HIBADH: variants seen among roughly 807,000 people sequenced by gnomAD.
The protein encoded by HIBADH is 3-hydroxyisobutyrate dehydrogenase, mitochondrial.
Under a neutral mutation model 36.1 loss-of-function variants are expected in HIBADH, and 25 were observed. The observed-to-expected ratio is 0.69, with a 90% CI of 0.50 to 0.97. The LOEUF (loss-of-function observed/expected upper bound fraction) is 0.97, where lower values mean the gene tolerates loss of function less well. Among genes scored for constraint, HIBADH ranks in the 50% least tolerant of loss-of-function variants. The pLI is 0.00. For synonymous variants in HIBADH, 160 were observed against 149.5 expected, an observed-to-expected ratio of 1.07 and a Z score of -0.51; for missense variants, 421 against 418.0, an observed-to-expected ratio of 1.01 and a Z score of -0.06.
At position 27,613,341 on chromosome 7, in the gene HIBADH, T is replaced by C. The variant is rs560477400; in HGVS notation, c.484+16030A>G. The stretch of plus-strand genomic sequence containing the variant: ...ATATAAAAGAATAAATTGAAAGAAG[T>C]TTCCCTGGATGGTAGAAAGAGCCTC... On this transcript the variant is annotated intron_variant, in intron 4 of 7. Transcript: ENST00000265395. Among the ~76,000 whole-genome samples, 172 of 143,604 alleles carry C rather than the reference T, an allele frequency of 1.2e-3. 1 individual carries two copies. The highest frequency in any genetic ancestry group is 4.0e-3 in the African/African-American group (151 of 38,148). The allele number at this position is 143,604 out of a possible 152,430, so 94.2% of individuals were successfully genotyped here.
chr7:27,600,372 G>C (rs551497778), intron 4 of HIBADH, among the ~76,000 whole-genome samples: 35 of 151,972 alleles, frequency 2.3e-4, no homozygotes, highest in African/African-American at 7.0e-4. Context: ...ACTTGACCTT[G>C]GTCCTGCCAT....
intron 6 of HIBADH, among the ~76,000 whole-genome samples, chr7:27,536,581 C>CCACT (rs1784073489): frequency 6.6e-6 from 1 of 152,022 alleles, no homozygotes; most frequent in African/African-American, 2.4e-5. Context: ...GAAAACAAAC[C>CCACT]CACTACAAGT....
At chr7:27,555,302 CTTTTTTTTTTT>C (rs3072856) in intron 4 of HIBADH, among the ~76,000 whole-genome samples, 1 of 127,436 alleles carries the variant, frequency 7.8e-6, no homozygotes, top group Non-Finnish European at 1.6e-5. Flanking sequence ...TCTTGCTCTA[CTTTTTTTTTTT>C]TTTTTTTTTT....
At chr7:27,574,679 C>T (rs1784683055) in intron 4 of HIBADH, among the ~76,000 whole-genome samples, 1 of 152,130 alleles carries the variant, frequency 6.6e-6, no homozygotes, top group South Asian at 2.1e-4. Context: ...CTGTACTCAG[C>T]CACTGGAACT....
At chr7:27,611,653 A>G (rs1785324608) in intron 4 of HIBADH, among the ~76,000 whole-genome samples, 2 of 152,198 alleles carry the variant, frequency 1.3e-5, no homozygotes, top group African/African-American at 4.8e-5. Context: ...GTCATGGGCT[A>G]ATTTATATAA....
intron 4 of HIBADH, among the ~76,000 whole-genome samples, chr7:27,557,012 T>C (rs1784399374): frequency 6.6e-6 from 1 of 152,010 alleles, no homozygotes; most frequent in African/African-American, 2.4e-5. Flanking sequence ...TGGTAACACA[T>C]GCCTGTGGTC....
chr7:27,557,576 C>T (rs533553616), intron 4 of HIBADH, among the ~76,000 whole-genome samples: 3 of 152,158 alleles, frequency 2.0e-5, no homozygotes, highest in Non-Finnish European at 4.4e-5. Flanking sequence ...GTTCAGTTGT[C>T]TGGTGAGGGC....
At chr7:27,658,690 A>C (rs1193856253) in intron 1 of HIBADH, among the ~76,000 whole-genome samples, 1 of 152,208 alleles carries the variant, frequency 6.6e-6, no homozygotes, top group African/African-American at 2.4e-5. Flanking sequence ...AATAAAAAAA[A>C]CATTTTGCAT....
rs148306436 is a variant in HIBADH at position 27,651,731 on chromosome 7, G to A, written c.92-2098C>T. Among the ~76,000 whole-genome samples, 585 of 152,276 alleles carry A rather than the reference G, an allele frequency of 3.8e-3. 2 individuals carry two copies. Among genetic ancestry groups the A allele is most frequent in the Middle Eastern group, 0.02 (6 of 294 alleles). On this transcript the variant is annotated intron_variant, in intron 1 of 7. Coordinates refer to ENST00000265395, the MANE Select transcript of HIBADH (RefSeq NM_152740.4). ...AACAAACACTAAGCAACTATCACAT[G>A]TACCAAAAGAGATGCCAAAGAAGGT...
chr7:27,646,539 G>GC (rs1554301050), intron 2 of HIBADH, among the ~76,000 whole-genome samples: 3 of 149,658 alleles, frequency 2.0e-5, no homozygotes, highest in Non-Finnish European at 4.5e-5. Flanking sequence ...TTTCTGGTTT[G>GC]TTTTTTTTTC....
intron 4 of HIBADH, among the ~76,000 whole-genome samples, chr7:27,584,991 A>ATAGT (rs1784837889): frequency 6.6e-6 from 1 of 152,066 alleles, no homozygotes; most frequent in Admixed American, 6.5e-5. Context: ...GTACATTCTT[A>ATAGT]TAGTTAAATC....
rs560590678 is a variant in HIBADH at position 27,601,145 on chromosome 7, T to C, written c.484+28226A>G. Among the ~76,000 whole-genome samples the C allele has an allele frequency of 3.3e-5, 5 of 152,230 alleles. 1 individual carries two copies. Among genetic ancestry groups the C allele is most frequent in the African/African-American group, 7.2e-5 (3 of 41,572 alleles). Reference sequence around the variant, plus strand: ...ATCATGATGAGTATGGGCCGGTTGATTGGATCTTTTTAACATAATCTAGAA... The same window carrying C: ...ATCATGATGAGTATGGGCCGGTTGACTGGATCTTTTTAACATAATCTAGAA... On this transcript the variant is annotated intron_variant, in intron 4 of 7. Transcript: ENST00000265395.
intron 4 of HIBADH, among the ~76,000 whole-genome samples, chr7:27,587,720 G>T (rs1049931348): frequency 6.6e-6 from 1 of 152,106 alleles, no homozygotes; most frequent in Admixed American, 6.5e-5. Context: ...TAACCCATCA[G>T]TGATTTGAAG....
At chr7:27,635,267 G>A (rs1324287172) in intron 2 of HIBADH, among the ~76,000 whole-genome samples, 1 of 152,142 alleles carries the variant, frequency 6.6e-6, no homozygotes, top group African/African-American at 2.4e-5. Context: ...AAGCTGGGAG[G>A]AAAAACAAAC....
chr7:27,549,294 T>C (rs1252062750), intron 4 of HIBADH, among the ~76,000 whole-genome samples: 5 of 152,328 alleles, frequency 3.3e-5, no homozygotes, highest in Non-Finnish European at 7.3e-5. Context: ...AAAAATAGTA[T>C]GTGAGGTAAT....
intron 4 of HIBADH, among the ~76,000 whole-genome samples, chr7:27,610,181 G>T (rs1230713475): frequency 6.6e-6 from 1 of 151,990 alleles, no homozygotes; most frequent in Non-Finnish European, 1.5e-5. Flanking sequence ...CCATGGAGAT[G>T]AATTATTTTA....
chr7:27,638,483 A>G (rs2128295515), intron 2 of HIBADH, among the ~76,000 whole-genome samples: 1 of 152,232 alleles, frequency 6.6e-6, no homozygotes, highest in African/African-American at 2.4e-5. Context: ...CTAAAGCTAT[A>G]AAAACCTGGA....
At chr7:27,599,194 AGTT>A (rs1477086080) in intron 4 of HIBADH, among the ~76,000 whole-genome samples, 1 of 152,166 alleles carries the variant, frequency 6.6e-6, no homozygotes, top group African/African-American at 2.4e-5. Flanking sequence ...AGTCCGTCAG[AGTT>A]GTTATTTTGG....
At chr7:27,633,020 C>A (rs1447944892) in intron 2 of HIBADH, among the ~76,000 whole-genome samples, 1 of 152,058 alleles carries the variant, frequency 6.6e-6, no homozygotes, top group Non-Finnish European at 1.5e-5. Context: ...TAAACACTTA[C>A]TACAATGACT....
Sources: gnomAD v4.1 joint callset for allele counts (sites outside exome capture counted in the v4.1 genomes callset) on GRCh38, gnomAD v4.1.1 for gene constraint, MANE v1.5 for transcripts, NCBI Gene and HGNC (gene_info 2026-07-23, HGNC 2026-07-21) for gene names.